FARS2: variants seen among roughly 807,000 people sequenced by gnomAD.
FARS2 encodes phenylalanine--tRNA ligase, mitochondrial.
FARS2 carries 40 observed loss-of-function variants against 46.4 expected under a neutral mutation model. The observed-to-expected ratio is 0.86, with a 90% CI of 0.67 to 1.12. The LOEUF is 1.12. FARS2 is among the 50% of genes most tolerant of loss of function. FARS2 has a pLI of 0.00. For synonymous variants in FARS2, 234 were observed against 214.9 expected (o/e 1.09, Z -0.78); for missense variants, 513 against 567.9 (o/e 0.90, Z 0.98).
chr6:5,708,524 T>G (rs1758908731), intron 6 of FARS2, among the ~76,000 whole-genome samples: 1 of 152,144 alleles, frequency 6.6e-6, no homozygotes, highest in Admixed American at 6.5e-5. Flanking sequence ...GGAAACTACT[T>G]CAGTTTCATC....
chr6:5,622,009 C>T (rs998785005), intron 6 of FARS2, among the ~76,000 whole-genome samples: 1 of 152,236 alleles, frequency 6.6e-6, no homozygotes, highest in African/African-American at 2.4e-5. Flanking sequence ...TTATCCAGTG[C>T]AAATTCTGGA....
intron 4 of FARS2, among the ~76,000 whole-genome samples, chr6:5,444,453 C>T (rs1236198259): frequency 4.1e-5 from 4 of 98,678 alleles, no homozygotes; most frequent in Admixed American, 3.3e-4. Context: ...GGTGACAAGG[C>T]GTGACTCTGT....
intron 5 of FARS2, among the ~76,000 whole-genome samples, chr6:5,561,012 T>C (rs1771949648): frequency 6.6e-6 from 1 of 152,110 alleles, no homozygotes; most frequent in East Asian, 1.9e-4. Context: ...ATGCCTGTAA[T>C]CCCAGCTACT....
intron 4 of FARS2, among the ~76,000 whole-genome samples, chr6:5,482,678 G>A (rs1212392407): frequency 6.6e-6 from 1 of 152,172 alleles, no homozygotes; most frequent in African/African-American, 2.4e-5. Context: ...TCACTGTGAT[G>A]AGCACTGCAA....
chr6:5,730,280 G>A (rs1760537152), intron 6 of FARS2, among the ~76,000 whole-genome samples: 1 of 152,204 alleles, frequency 6.6e-6, no homozygotes, highest in Non-Finnish European at 1.5e-5. Context: ...GAGAGACAGC[G>A]AGAGAGCGCA....
chr6:5,443,546 T>C (rs1225655255), intron 4 of FARS2, among the ~76,000 whole-genome samples: 2 of 152,224 alleles, frequency 1.3e-5, no homozygotes, highest in Non-Finnish European at 2.9e-5. Flanking sequence ...TTTTTTGCCC[T>C]TTTTAGCTTC....
intron 4 of FARS2, among the ~76,000 whole-genome samples, chr6:5,514,978 G>C (rs1490759246): frequency 2.7e-5 from 4 of 150,400 alleles, no homozygotes; most frequent in Non-Finnish European, 5.9e-5. Flanking sequence ...GGGTCTTACT[G>C]TTGCCCAGAC....
At chr6:5,680,108 A>AT (rs1778959091) in intron 6 of FARS2, among the ~76,000 whole-genome samples, 1 of 152,104 alleles carries the variant, frequency 6.6e-6, no homozygotes, top group Non-Finnish European at 1.5e-5. Context: ...TGATTATTTG[A>AT]TTTTCTACAG....
rs1372576280 is a variant in FARS2 at position 5,593,296 on chromosome 6, G to A, written c.1066-19873G>A. 2.7e-5 allele frequency among the ~76,000 whole-genome samples: 4 copies of A among 146,344 alleles called. No individual in the cohort carries two copies. The East Asian group carries it at 5.8e-4, about 21-fold the overall frequency. ...CCTCCATGAAGGAACTGCACCTCCCGCCCCCACCGGCCTCTGCTGGTGCCT... is the reference window on the plus strand; with the variant it reads ...CCTCCATGAAGGAACTGCACCTCCCACCCCCACCGGCCTCTGCTGGTGCCT... On this transcript the variant is annotated intron_variant, in intron 5 of 6. Transcript: ENST00000274680.
chr6:5,445,631 G>A (rs1008526118), intron 4 of FARS2, among the ~76,000 whole-genome samples: 1 of 152,144 alleles, frequency 6.6e-6, no homozygotes, highest in Non-Finnish European at 1.5e-5. Context: ...CCTAAGTATG[G>A]CAAATGATGG....
In FARS2 at chr6:5,471,533, C is replaced by A. The variant is rs538571870; in HGVS notation, c.904+40361C>A. The stretch of plus-strand genomic sequence containing the variant: ...GATTTTTGCTTGAAGTAAATGTTAC[C>A]AGCAACACTGTACCACCTATTTTAA... On this transcript the variant is annotated intron_variant, in intron 4 of 6. Transcript: ENST00000274680. This position sits in a 1 kb window ranked among gnomAD's most constrained non-coding sequence, Gnocchi z 4.1. Among the ~76,000 whole-genome samples, 5 of 152,264 alleles carry A rather than the reference C, an allele frequency of 3.3e-5. No homozygotes were observed. The highest frequency in any genetic ancestry group is 1.2e-4 in the African/African-American group (5 of 41,544).
chr6:5,582,253 A>G (rs546994727), intron 5 of FARS2, among the ~76,000 whole-genome samples: 13 of 131,466 alleles, frequency 9.9e-5, no homozygotes, highest in Non-Finnish European at 1.8e-4. Context: ...ATGCGCTTCT[A>G]TAAATGGTCA....
At chr6:5,250,537 T>C in the FARS2 span, among the ~76,000 whole-genome samples, 1 of 152,210 alleles carries the variant, frequency 6.6e-6, no homozygotes, top group Non-Finnish European at 1.5e-5. Flanking sequence ...AAAATGTTTT[T>C]TGGAAACTCC....
intron 1 of FARS2, among the ~76,000 whole-genome samples, chr6:5,334,559 C>G (rs1771025501): frequency 6.6e-6 from 1 of 152,174 alleles, no homozygotes; most frequent in South Asian, 2.1e-4. Context: ...TCGCTATGCA[C>G]TACTGTACTG....
At chr6:5,287,509 G>A (rs150924281) in intron 1 of FARS2, among the ~76,000 whole-genome samples, 14 of 152,090 alleles carry the variant, frequency 9.2e-5, no homozygotes, top group African/African-American at 3.4e-4. Flanking sequence ...TTGCTCTCCC[G>A]TGTCCCTGAA....
At chr6:5,330,613 A>G (rs1770734070) in intron 1 of FARS2, among the ~76,000 whole-genome samples, 1 of 152,210 alleles carries the variant, frequency 6.6e-6, no homozygotes, top group African/African-American at 2.4e-5. Context: ...GGAGTAGCAA[A>G]TGATTCACAA....
chr6:5,434,762 C>T (rs9392080), intron 4 of FARS2, among the ~76,000 whole-genome samples: 102,359 of 148,884 alleles, frequency 0.69, 35,375 homozygotes, highest in East Asian at 0.93. Flanking sequence ...TCCCTTCCTT[C>T]TTCCTCCCTG....
At chr6:5,255,555 C>T in the FARS2 span, among the ~76,000 whole-genome samples, 3 of 151,694 alleles carry the variant, frequency 2.0e-5, no homozygotes, top group African/African-American at 4.9e-5. Context: ...TTTTTGGGGT[C>T]CTCAGTAATA....
intron 1 of FARS2, among the ~76,000 whole-genome samples, chr6:5,351,218 C>T (rs983864434): frequency 2.0e-5 from 3 of 152,196 alleles, no homozygotes; most frequent in Admixed American, 1.3e-4. Flanking sequence ...ATACCAGCTA[C>T]CTGCTTTTGT....
Sources: gnomAD v4.1 joint callset for allele counts (sites outside exome capture counted in the v4.1 genomes callset) on GRCh38, gnomAD v4.1.1 for gene constraint, Gnocchi (gnomAD v3.1) non-coding constraint, MANE v1.5 for transcripts, NCBI Gene and HGNC (gene_info 2026-07-23, HGNC 2026-07-21) for gene names.